CDIN1: variants seen among roughly 807,000 people sequenced by gnomAD.
CDIN1 encodes CDAN1 interacting nuclease 1, also known as CDAN1-interacting nuclease 1.
In CDIN1, 33 loss-of-function variants were observed where a neutral mutation model predicts 45.3. That is an observed-to-expected ratio of 0.73 (90% CI 0.55 to 0.97). The LOEUF (loss-of-function observed/expected upper bound fraction) is 0.97. Ranked by LOEUF, CDIN1 falls within the 50% of genes least tolerant of loss-of-function variation. The probability of loss-of-function intolerance (pLI) is 0.00; values close to 1 mark genes in which losing one functional copy is unlikely to be tolerated. For synonymous variants in CDIN1, 118 were observed against 124.4 expected, an observed-to-expected ratio of 0.95 and a Z score of 0.34; for missense variants, 303 against 339.4, an observed-to-expected ratio of 0.89 and a Z score of 0.84.
chr15:36,771,252 G>C (rs1045083073), intron 10 of CDIN1, among the ~76,000 whole-genome samples: 1 of 152,152 alleles, frequency 6.6e-6, no homozygotes, highest in Non-Finnish European at 1.5e-5. Context: ...ACCTAATGTA[G>C]ATGACGGGTT....
chr15:36,686,539 C>A (rs1441365223), intron 5 of CDIN1, among the ~76,000 whole-genome samples: 1 of 147,656 alleles, frequency 6.8e-6, no homozygotes, highest in Non-Finnish European at 1.5e-5. Context: ...TGCACATGTA[C>A]CCTAAAACTT....
chr15:36,645,487 TCTTGA>T (rs1326768454), intron 3 of CDIN1, among the ~76,000 whole-genome samples, 200 bp downstream of exon 3: 2 of 134,030 alleles, frequency 1.5e-5, no homozygotes, highest in East Asian at 2.2e-4. Flanking sequence ...GGTAAGGCTG[TCTTGA>T]CTTGTGTGTG....
At chr15:36,656,987 A>C (rs912343854) in intron 4 of CDIN1, among the ~76,000 whole-genome samples, 3 of 152,194 alleles carry the variant, frequency 2.0e-5, no homozygotes, top group African/African-American at 7.2e-5. Flanking sequence ...GTTCTTAAAA[A>C]TGTGTGTTCC....
chr15:36,584,789 T>C (rs936788556), intron 1 of CDIN1, among the ~76,000 whole-genome samples: 1 of 152,120 alleles, frequency 6.6e-6, no homozygotes, highest in Non-Finnish European at 1.5e-5. Flanking sequence ...ACCAGAGTAC[T>C]GGGAGAAAGT....
rs190607232 is a variant in CDIN1, at chr15:36,648,498, C to A, written c.212+3211C>A. The A allele has an allele frequency of 4.1e-5, 5 of 122,378 alleles. No homozygotes were observed. In the East Asian group the frequency reaches 1.4e-3, roughly 34 times the overall value. 7.6% of individuals were successfully genotyped at this position (122,378 alleles called of 1,614,324 possible). On this transcript the variant is annotated intron_variant, in intron 3 of 10. Transcript: ENST00000566621. Reference sequence around the variant, plus strand: ...CCAGGCTGGAGTGCAGTGGTGCAATCTCAGCTCACTGCAAGCTCCGCCTCC... The same window carrying A: ...CCAGGCTGGAGTGCAGTGGTGCAATATCAGCTCACTGCAAGCTCCGCCTCC...
chr15:36,649,683 G>C (rs1381781357), intron 3 of CDIN1, among the ~76,000 whole-genome samples: 1 of 152,110 alleles, frequency 6.6e-6, no homozygotes, highest in Non-Finnish European at 1.5e-5. Flanking sequence ...AACACCTTCT[G>C]CTTCCCTACA....
chr15:36,791,290 A>G (rs1042233586), intron 10 of CDIN1, among the ~76,000 whole-genome samples: 1 of 152,230 alleles, frequency 6.6e-6, no homozygotes. Context: ...TATTTATTCA[A>G]TGTCTACTGT....
At chr15:36,741,097 C>T (rs1336464683) in intron 10 of CDIN1, among the ~76,000 whole-genome samples, 1 of 152,132 alleles carries the variant, frequency 6.6e-6, no homozygotes, top group Non-Finnish European at 1.5e-5. Flanking sequence ...CCACCACACC[C>T]AGCTTTTTTA....
chr15:36,721,206 T>G (rs1013197578), intron 10 of CDIN1, among the ~76,000 whole-genome samples: 3 of 152,224 alleles, frequency 2.0e-5, no homozygotes, highest in Admixed American at 2.0e-4. Context: ...TGCAAAAATT[T>G]TCTCCCATTC....
chr15:36,667,717 A>C (rs1030947011), intron 5 of CDIN1, among the ~76,000 whole-genome samples: 2 of 152,182 alleles, frequency 1.3e-5, no homozygotes, highest in Admixed American at 6.5e-5. Flanking sequence ...GATGATACGA[A>C]GTTTTTCTTT....
chr15:36,671,198 C>T (rs1263466969), intron 5 of CDIN1, among the ~76,000 whole-genome samples: 3 of 152,050 alleles, frequency 2.0e-5, no homozygotes, highest in Non-Finnish European at 4.4e-5. Context: ...GGGAAGAGGC[C>T]GTTCTGTCCT....
intron 1 of CDIN1, among the ~76,000 whole-genome samples, chr15:36,623,564 AGTT>A (rs933639844): frequency 2.0e-5 from 3 of 152,142 alleles, no homozygotes; most frequent in Admixed American, 6.5e-5. Context: ...GGGGGTAACC[AGTT>A]GTTGACGCCA....
At chr15:36,754,323 G>A (rs1484244629) in intron 10 of CDIN1, among the ~76,000 whole-genome samples, 6 of 152,118 alleles carry the variant, frequency 3.9e-5, no homozygotes, top group Admixed American at 3.9e-4. Flanking sequence ...TCTTGAGTAT[G>A]TCCAGAATTA....
At chr15:36,701,685 T>A (rs1171547875) in intron 8 of CDIN1, among the ~76,000 whole-genome samples, 1 of 152,174 alleles carries the variant, frequency 6.6e-6, no homozygotes, top group East Asian at 1.9e-4. Context: ...TTCCAGTGAA[T>A]GTTTCCCTGT....
intron 1 of CDIN1, among the ~76,000 whole-genome samples, chr15:36,631,199 G>A (rs1315308880): frequency 2.0e-5 from 3 of 152,136 alleles, no homozygotes; most frequent in Non-Finnish European, 4.4e-5. Context: ...GGAAAAAATG[G>A]AAGTCATAGA....
chr15:36,650,453 T>TATTA (rs1566866955), intron 3 of CDIN1, among the ~76,000 whole-genome samples: 1 of 112,408 alleles, frequency 8.9e-6, no homozygotes, highest in African/African-American at 3.3e-5. Flanking sequence ...TTTATTTATT[T>TATTA]ATTATTTGAG....
Position 36,697,369 on chromosome 15 carries a change from G to C in CDIN1, c.523G>C (p.Glu175Gln), listed in dbSNP as rs568314973. Residue 175 changes from glutamate (E) to glutamine (Q), a missense_variant, in exon 8 of 11, where the codon GAG (glutamate) becomes CAG (glutamine). Coordinates refer to ENST00000566621, the MANE Select transcript of CDIN1 (RefSeq NM_001321759.2). ...HEVLLRDLLLEKNLSFLDEDQ... is the reference protein window; with the variant it reads ...HEVLLRDLLLQKNLSFLDEDQ... ...GGTCCTGCTGAGAGACTTGCTTCTA[G>C]AGAAAAACCTGTCCTTCCTAGGTAA... is the stretch of plus-strand genomic sequence containing the variant. 6.2e-7 allele frequency: 1 copy of C among 1,612,076 alleles called. No individual in the cohort carries two copies. The highest frequency in any genetic ancestry group is 8.5e-7 in the Non-Finnish European group (1 of 1,179,150).
chr15:36,640,717 G>T, intron 1 of CDIN1: 1 of 846,370 alleles, frequency 1.2e-6, no homozygotes, highest in Non-Finnish European at 1.4e-6. Flanking sequence ...TTGCATGAAT[G>T]TTGCATTGCA....
chr15:36,728,151 T>C (rs1234997316), intron 10 of CDIN1, among the ~76,000 whole-genome samples: 1 of 152,136 alleles, frequency 6.6e-6, no homozygotes. Flanking sequence ...GGAGGAATTG[T>C]TTTTGTTTTT....
Sources: gnomAD v4.1 joint callset for allele counts (sites outside exome capture counted in the v4.1 genomes callset) on GRCh38, gnomAD v4.1.1 for gene constraint, MANE v1.5 for transcripts, NCBI Gene and HGNC (gene_info 2026-07-23, HGNC 2026-07-21) for gene names.